PEAK1: variants seen among roughly 807,000 people sequenced by gnomAD.
PEAK1 encodes pseudopodium enriched atypical kinase 1.
A neutral mutation model predicts 124.7 loss-of-function variants in PEAK1; 54 were observed. The ratio of observed to expected loss-of-function variants is 0.43; its 90% CI spans 0.35 to 0.54. The LOEUF is 0.54. PEAK1 is among the 20% of genes least tolerant of loss of function. The pLI is 0.01. For missense variants in PEAK1, 2,046 were observed against 2,134.5 expected (o/e 0.96, Z 0.82); for synonymous variants, 719 against 760.0 (o/e 0.95, Z 0.89).
chr15:77,132,114 T>G (rs2052914523), intron 9 of PEAK1, among the ~76,000 whole-genome samples: 1 of 151,930 alleles, frequency 6.6e-6, no homozygotes. Context: ...AGGGTCTCAC[T>G]TTGTTGCCCA....
chr15:77,256,396 G>A (rs751671343), intron 5 of PEAK1, among the ~76,000 whole-genome samples: 1 of 150,762 alleles, frequency 6.6e-6, no homozygotes, highest in Non-Finnish European at 1.5e-5. Flanking sequence ...TAATAGTAGC[G>A]AATAGTTTCA....
chr15:77,258,206 T>C (rs920753976), intron 5 of PEAK1, among the ~76,000 whole-genome samples: 22 of 152,206 alleles, frequency 1.4e-4, no homozygotes, highest in African/African-American at 5.3e-4. Context: ...GACTTGGCAA[T>C]GCGGGCTCTT....
intron 2 of PEAK1, among the ~76,000 whole-genome samples, chr15:77,301,264 G>C (rs2063771080): frequency 6.6e-6 from 1 of 152,048 alleles, no homozygotes. Flanking sequence ...TCTAATCTCT[G>C]CCTGACTTCA....
chr15:77,158,737 G>T (rs2055374570), intron 7 of PEAK1, 41 bp from the exon 8 acceptor site: 1 of 1,587,786 alleles, frequency 6.3e-7, no homozygotes, highest in Non-Finnish European at 8.6e-7. Flanking sequence ...GTATTGGAAG[G>T]TTCTACTAAA....
intron 1 of PEAK1, among the ~76,000 whole-genome samples, chr15:77,388,820 T>A (rs2070188087): frequency 7.1e-6 from 1 of 141,232 alleles, no homozygotes; most frequent in South Asian, 2.2e-4. Flanking sequence ...AAAAAAAAAA[T>A]ACTCCATCAA....
chr15:77,158,611 A>T lies in PEAK1; in HGVS notation c.3223T>A (p.Ser1075Thr). The T allele has an allele frequency of 6.2e-7, 1 of 1,614,130 alleles. No homozygotes were observed. Among genetic ancestry groups the T allele is most frequent in the Non-Finnish European group, 8.5e-7 (1 of 1,179,966 alleles). The change falls in exon 8 of 10, where the codon TCA becomes ACA. Residue 1075 changes from serine (S) to threonine (T), a missense_variant. Coordinates refer to ENST00000682557, the MANE Select transcript of PEAK1 (RefSeq NM_001385026.1). ...VGKQDGRGCTSVTTALSLPEL... is the reference protein window; with the variant it reads ...VGKQDGRGCTTVTTALSLPEL... The stretch of plus-strand genomic sequence containing the variant: ...GGTAGGGACAATGCTGTTGTGACTG[A>T]AGTGCAGCCCCTGCCATCTTGCTTC...
chr15:77,171,811 T>C (rs2056530760), intron 7 of PEAK1, among the ~76,000 whole-genome samples: 1 of 152,210 alleles, frequency 6.6e-6, no homozygotes, highest in Non-Finnish European at 1.5e-5. Context: ...GCATTATGTA[T>C]AATTTAAGTA....
At chr15:77,321,739 T>C (rs2065232317) in intron 2 of PEAK1, among the ~76,000 whole-genome samples, 1 of 152,216 alleles carries the variant, frequency 6.6e-6, no homozygotes, top group African/African-American at 2.4e-5. Context: ...CCCATGCCTA[T>C]GTCCTGAATG....
chr15:77,164,825 A>C (rs1455871378), intron 7 of PEAK1, among the ~76,000 whole-genome samples: 1 of 152,194 alleles, frequency 6.6e-6, no homozygotes, highest in East Asian at 1.9e-4. Context: ...ATTTCCTGAA[A>C]AGGCAAGGTA....
intron 8 of PEAK1, among the ~76,000 whole-genome samples, chr15:77,137,271 A>G (rs560158303): frequency 6.6e-6 from 1 of 152,332 alleles, no homozygotes; most frequent in South Asian, 2.1e-4. Context: ...CAGAGTCCCT[A>G]CTGAGGCACT....
intron 5 of PEAK1, among the ~76,000 whole-genome samples, chr15:77,257,706 T>C (rs530877868): frequency 6.6e-6 from 1 of 152,064 alleles, no homozygotes; most frequent in Non-Finnish European, 1.5e-5. Context: ...TAGTTTCTTT[T>C]GCTGTGCAGA....
At chr15:77,371,414 TAAAAC>T (rs2068632305) in intron 1 of PEAK1, 1 of 971,276 alleles carries the variant, frequency 1.0e-6, no homozygotes, top group African/African-American at 1.8e-5. Flanking sequence ...TCAAAAAACT[TAAAAC>T]AATTATTTCA....
At chr15:77,146,345 C>T (rs570355140) in intron 8 of PEAK1, among the ~76,000 whole-genome samples, 3 of 152,262 alleles carry the variant, frequency 2.0e-5, no homozygotes, top group South Asian at 2.1e-4. Flanking sequence ...AACAATAAAA[C>T]GAACCTGATT....
chr15:77,345,465 A>C (rs1194016684), intron 2 of PEAK1, among the ~76,000 whole-genome samples: 1 of 152,196 alleles, frequency 6.6e-6, no homozygotes, highest in Non-Finnish European at 1.5e-5. Flanking sequence ...GAAAGACCAG[A>C]GGTTTTGAAA....
intron 6 of PEAK1, among the ~76,000 whole-genome samples, chr15:77,201,023 T>C (rs920440905): frequency 2.6e-5 from 4 of 152,052 alleles, no homozygotes; most frequent in Admixed American, 6.6e-5. Context: ...TTATCAACTA[T>C]GTAGATGCTA....
intron 7 of PEAK1, among the ~76,000 whole-genome samples, chr15:77,169,992 T>G (rs567444731): frequency 3.9e-5 from 6 of 152,226 alleles, no homozygotes; most frequent in Non-Finnish European, 7.4e-5. Flanking sequence ...GGGGAAGAGA[T>G]CAGGGATGAA....
intron 5 of PEAK1, among the ~76,000 whole-genome samples, chr15:77,273,789 A>G (rs968316648): frequency 6.6e-6 from 1 of 152,180 alleles, no homozygotes; most frequent in African/African-American, 2.4e-5. Flanking sequence ...CCTAAAATTC[A>G]CATGGAACCA....
intron 2 of PEAK1, among the ~76,000 whole-genome samples, chr15:77,291,538 G>A (rs1055542617): frequency 6.6e-6 from 1 of 152,016 alleles, no homozygotes; most frequent in Admixed American, 6.6e-5. Flanking sequence ...GTGCTATAGA[G>A]GATCATTTAA....
At chr15:77,198,896 T>C (rs887298239) in intron 6 of PEAK1, among the ~76,000 whole-genome samples, 11 of 152,324 alleles carry the variant, frequency 7.2e-5, no homozygotes, top group South Asian at 6.2e-4. Flanking sequence ...AAGAAAATCA[T>C]TGAGGAAGGA....
Sources: allele counts gnomAD v4.1 joint callset (sites outside exome capture counted in the v4.1 genomes callset), GRCh38; gene constraint gnomAD v4.1.1; transcripts MANE v1.5; gene names NCBI Gene and HGNC (gene_info 2026-07-23, HGNC 2026-07-21).